Variants in HSD17B14 observed in about 807,000 individuals in gnomAD.
HSD17B14 encodes the protein hydroxysteroid 17-beta dehydrogenase 14, also known as L-fucose dehydrogenase.
HSD17B14 carries 32 observed loss-of-function variants against 32.2 expected under a neutral mutation model. The ratio of observed to expected loss-of-function variants is 0.99; its 90% CI spans 0.75 to 1.33. HSD17B14 has a LOEUF of 1.33. HSD17B14 is among the 40% of genes most tolerant of loss of function. The pLI, the probability that HSD17B14 is intolerant of heterozygous loss-of-function variation, is 0.00. For synonymous variants in HSD17B14, 140 were observed against 155.4 expected (o/e 0.90, Z 0.74); for missense variants, 370 against 366.5 (o/e 1.01, Z -0.08).
intron 5 of HSD17B14, among the ~76,000 whole-genome samples, chr19:48,816,897 G>A (rs530537367): frequency 6.7e-6 from 1 of 150,176 alleles, no homozygotes; most frequent in African/African-American, 2.4e-5. Flanking sequence ...ATGCAGTGGT[G>A]CAATCTCAGC....
chr19:48,823,036 A>G (rs2122766127), intron 5 of HSD17B14, among the ~76,000 whole-genome samples: 1 of 152,300 alleles, frequency 6.6e-6, no homozygotes, highest in Admixed American at 6.5e-5. Context: ...GCCCTCAGGG[A>G]AAACAAAGGC....
intron 5 of HSD17B14, among the ~76,000 whole-genome samples, chr19:48,825,705 G>A (rs565254442): frequency 7.2e-5 from 11 of 152,160 alleles, no homozygotes; most frequent in Non-Finnish European, 1.5e-4. Flanking sequence ...GAGCAGAAAT[G>A]TTGCGTAACT....
chr19:48,824,388 A>T (rs1365086614), intron 5 of HSD17B14, among the ~76,000 whole-genome samples: 1 of 149,260 alleles, frequency 6.7e-6, no homozygotes, highest in Admixed American at 6.8e-5. Flanking sequence ...GTGAGCTGTG[A>T]TGGCACCACT....
At position 48,834,354 on chromosome 19, in the gene HSD17B14, A is replaced by G. The variant is rs533333092; in HGVS notation, c.132T>C (p.Ser44=). The G allele has an allele frequency of 6.2e-7, 1 of 1,612,882 alleles. No individual in the cohort carries two copies. Among genetic ancestry groups the G allele is most frequent in the East Asian group, 2.2e-5 (1 of 44,854 alleles). The part of the protein sequence containing the change: ...ARVVICDKDE[S]GGRALEQELP... ...GCTCCTGCTCCAGGGCCCGGCCCCCAGACTCTGCAGGGAGAGAAGAGCTGG... is the reference window on the plus strand; with the variant it reads ...GCTCCTGCTCCAGGGCCCGGCCCCCGGACTCTGCAGGGAGAGAAGAGCTGG... The change falls in exon 3 of 9, where the codon TCT becomes TCC. Residue 44 remains serine (S), a synonymous_variant. Transcript: ENST00000263278.
At chr19:48,828,581 G>C (rs1328723548) in intron 5 of HSD17B14, among the ~76,000 whole-genome samples, 1 of 152,064 alleles carries the variant, frequency 6.6e-6, no homozygotes. Context: ...TGGTACTCCA[G>C]CCTGGGCAAC....
At chr19:48,820,016 G>T (rs927168264) in intron 5 of HSD17B14, among the ~76,000 whole-genome samples, 1 of 152,116 alleles carries the variant, frequency 6.6e-6, no homozygotes, top group Non-Finnish European at 1.5e-5. Flanking sequence ...AATTAGCCAG[G>T]CATAGTGGTG....
In HSD17B14 at chr19:48,813,250, C is replaced by T; in HGVS notation, c.738G>A (p.Thr246=). 3 of 1,609,122 alleles carry T rather than the reference C, an allele frequency of 1.9e-6. No individual in the cohort carries two copies. The highest frequency in any genetic ancestry group is 2.5e-6 in the Non-Finnish European group (3 of 1,177,956). ...ACCCGTACCCCAGCTCTGCACCCCC[C>T]GTCACGAGCAGTTCAATGCCCGTGC... The part of the protein sequence containing the change: ...NFCTGIELLV[T]GGAELGYGCK... The change falls in exon 9 of 9, where the codon ACG becomes ACA. Residue 246 remains threonine, a synonymous_variant. Transcript: ENST00000263278.
chr19:48,824,607 A>T (rs548242158), intron 5 of HSD17B14, among the ~76,000 whole-genome samples: 84 of 148,468 alleles, frequency 5.7e-4, no homozygotes, highest in African/African-American at 1.9e-3. Context: ...TGCCTCTACT[A>T]AAAAAAAAAT....
intron 5 of HSD17B14, among the ~76,000 whole-genome samples, chr19:48,818,319 A>AG (rs1241851094): frequency 1.4e-5 from 2 of 144,852 alleles, no homozygotes; most frequent in Non-Finnish European, 3.0e-5. Flanking sequence ...AAAAAAAAAG[A>AG]AAAAAGAAAA....
At chr19:48,821,076 G>T (rs982431672) in intron 5 of HSD17B14, among the ~76,000 whole-genome samples, 1 of 147,142 alleles carries the variant, frequency 6.8e-6, no homozygotes, top group East Asian at 2.0e-4. Context: ...GCAGTGGCGC[G>T]ATCTCAGCTT....
At chr19:48,836,257 C>T in intron 1 of HSD17B14, 67 bp downstream of exon 1, 2 of 1,483,902 alleles carry the variant, frequency 1.3e-6, no homozygotes, top group Non-Finnish European at 9.3e-7. Context: ...ATTTTCCGCC[C>T]CCATCACCCC....
chr19:48,816,716 G>C (rs190296734), intron 5 of HSD17B14, among the ~76,000 whole-genome samples: 5 of 152,162 alleles, frequency 3.3e-5, no homozygotes, highest in Non-Finnish European at 7.3e-5. Flanking sequence ...TTGGGAAGCC[G>C]AGGAGGGAGG....
chr19:48,820,312 A>G (rs1480877425), intron 5 of HSD17B14, among the ~76,000 whole-genome samples: 1 of 151,900 alleles, frequency 6.6e-6, no homozygotes, highest in Non-Finnish European at 1.5e-5. Context: ...TGTCTCTGCT[A>G]AAAATACATT....
intron 3 of HSD17B14, among the ~76,000 whole-genome samples, chr19:48,833,341 C>T (rs1178153494): frequency 1.3e-5 from 2 of 151,948 alleles, no homozygotes; most frequent in Non-Finnish European, 1.5e-5. Context: ...GGGCAGATAA[C>T]AGAGAGATAC....
intron 5 of HSD17B14, among the ~76,000 whole-genome samples, chr19:48,816,022 G>GAA (rs71179053): frequency 0.053 from 3,956 of 74,206 alleles, 101 homozygotes; most frequent in Non-Finnish European, 0.079. Context: ...CTCCGTTTCA[G>GAA]AAAAAAAAAA....
intron 5 of HSD17B14, among the ~76,000 whole-genome samples, chr19:48,826,813 C>T (rs941450546): frequency 3.3e-5 from 5 of 151,926 alleles, no homozygotes; most frequent in African/African-American, 1.2e-4. Context: ...CCCCTCTTTG[C>T]CTACTCTTGC....
chr19:48,818,168 G>T (rs77954385), intron 5 of HSD17B14, among the ~76,000 whole-genome samples: 1 of 151,460 alleles, frequency 6.6e-6, no homozygotes. Context: ...AAAATTAGCC[G>T]GGTGTGGTGG....
chr19:48,815,118 C>G lies in HSD17B14; in HGVS notation c.393G>C (p.Lys131Asn), dbSNP rs767261239. The G allele has an allele frequency of 5.0e-6, 8 of 1,613,840 alleles. No individual in the cohort carries two copies. In the African/African-American group the frequency reaches 9.3e-5, roughly 19 times the overall value. ...AGATGTTGATGACATTCCCTTGACT[C>G]TTCCGCAGGTAGGGGAGGGCGAGCT... ...LTKLALPYLR[K>N]SQGNVINISS... is the part of the protein sequence containing the mutation. The change falls in exon 6 of 9, where the codon AAG becomes AAC. Residue 131 changes from lysine (K) to asparagine (N), a missense_variant. Transcript: ENST00000263278.
In HSD17B14 at chr19:48,813,747, G is replaced by A. The variant is rs375354399; in HGVS notation, c.475-17C>T. 126 of 1,613,946 alleles carry A rather than the reference G, an allele frequency of 7.8e-5. No individual in the cohort carries two copies. Among genetic ancestry groups the A allele is most frequent in the Middle Eastern group, 1.6e-4 (1 of 6,084 alleles). On this transcript the variant is annotated splice_polypyrimidine_tract_variant and intron_variant, in intron 6 of 8. Transcript: ENST00000263278. ...TACTGCCCCCTGCAGGAAATGGAGC[G>A]GGGAAGAAAGTTCAGTCCCCGGGAC...
Sources: allele counts gnomAD v4.1 joint callset (sites outside exome capture counted in the v4.1 genomes callset), GRCh38; gene constraint gnomAD v4.1.1; transcripts MANE v1.5; gene names NCBI Gene and HGNC (gene_info 2026-07-23, HGNC 2026-07-21).